Variants in FOCAD observed in about 807,000 individuals in gnomAD.
FOCAD encodes the protein focadhesin.
In FOCAD, 198 loss-of-function variants were observed where a neutral mutation model predicts 225.6. The ratio of observed to expected loss-of-function variants is 0.88; its 90% CI spans 0.78 to 0.99. FOCAD has a LOEUF of 0.99. Ranked by LOEUF, FOCAD falls within the 50% of genes least tolerant of loss-of-function variation. The pLI is 0.00. For missense variants in FOCAD, 2,713 were observed against 2,123.6 expected, an observed-to-expected ratio of 1.28 and a Z score of -5.46; for synonymous variants, 897 against 755.0, an observed-to-expected ratio of 1.19 and a Z score of -3.08.
intron 20 of FOCAD, among the ~76,000 whole-genome samples, chr9:20,883,247 T>C (rs1448242394): frequency 6.6e-6 from 1 of 152,048 alleles, no homozygotes; most frequent in East Asian, 1.9e-4. Flanking sequence ...TAACATACTT[T>C]CAAAATATAT....
Position 20,805,147 on chromosome 9 carries a change from A to C in FOCAD, c.1456-14649A>C, listed in dbSNP as rs544479525. ...GCACTTTAAGGTACATGAAGTGAAA[A>C]GTCTATCTGCTTATTTTGTTTATTT... On this transcript the variant is annotated intron_variant, in intron 11 of 43. Coordinates refer to ENST00000338382, the MANE Select transcript of FOCAD (RefSeq NM_001375567.1). Among the ~76,000 whole-genome samples, 10 of 152,292 alleles carry C rather than the reference A, an allele frequency of 6.6e-5. No individual in the cohort carries two copies. The East Asian group carries it at 1.7e-3, about 26-fold the overall frequency.
chr9:20,681,236 T>C (rs1822389900), upstream of FOCAD, among the ~76,000 whole-genome samples: 1 of 152,200 alleles, frequency 6.6e-6, no homozygotes, highest in African/African-American at 2.4e-5. Context: ...TAACCTATTA[T>C]CATTTCATAT....
Position 20,885,147 on chromosome 9 carries a change from A to G in FOCAD, c.2542A>G (p.Ser848Gly). Residue 848 changes from serine to glycine, a missense_variant, in exon 21 of 44, where the codon AGT (serine) becomes GGT (glycine). Coordinates refer to ENST00000338382, the MANE Select transcript of FOCAD (RefSeq NM_001375567.1). Reference sequence around the variant, plus strand: ...TTGCTATGATGTTTCCATGTATCAGAGTAAAGATGGAAAACCATTGAACAG... The same window carrying G: ...TTGCTATGATGTTTCCATGTATCAGGGTAAAGATGGAAAACCATTGAACAG... ...LFCYDVSMYQ[S>G]KDGKPLNRLM... The G allele has an allele frequency of 6.5e-7, 1 of 1,540,068 alleles. No homozygotes were observed.
At chr9:20,941,138 C>T (rs1051440941) in intron 28 of FOCAD, among the ~76,000 whole-genome samples, 1 of 152,106 alleles carries the variant, frequency 6.6e-6, no homozygotes, top group East Asian at 1.9e-4. Flanking sequence ...GGAGTGTACT[C>T]CCTCAAATGA....
intron 6 of FOCAD, among the ~76,000 whole-genome samples, chr9:20,762,081 T>C (rs1355617285): frequency 1.3e-5 from 2 of 152,228 alleles, no homozygotes; most frequent in Non-Finnish European, 2.9e-5. Flanking sequence ...TTTCTTTATA[T>C]GAACCTTACA....
intron 1 of FOCAD, among the ~76,000 whole-genome samples, chr9:20,689,233 G>T (rs774281019): frequency 6.6e-6 from 1 of 151,984 alleles, no homozygotes; most frequent in African/African-American, 2.4e-5. Context: ...GTAGGGTTTG[G>T]CTGTGGATAT....
rs1355385850 is a variant in FOCAD at position 20,951,188 on chromosome 9, A to G, written c.4051+90A>G. 5.2e-6 allele frequency: 5 copies of G among 970,806 alleles called. No individual in the cohort carries two copies. The South Asian group carries it at 5.5e-5, about 11-fold the overall frequency. 60.1% of individuals were successfully genotyped at this position (970,806 alleles called of 1,614,324 possible). A position where few individuals can be genotyped will look rare whatever the true frequency, so the allele number is the denominator to read the frequency against. On this transcript the variant is annotated intron_variant, in intron 34 of 43. Coordinates refer to ENST00000338382, the MANE Select transcript of FOCAD (RefSeq NM_001375567.1). ...TTTGTTAAGAGCATTAATCTTCACA[A>G]CAACCCTAAGTAATGGGTATTACCA...
chr9:20,748,054 G>A (rs540701264), intron 5 of FOCAD, among the ~76,000 whole-genome samples: 2 of 151,854 alleles, frequency 1.3e-5, no homozygotes, highest in South Asian at 4.2e-4. Flanking sequence ...TTTTGCTTTT[G>A]GGGGGTTGAT....
chr9:20,902,195 G>A (rs1832615414), intron 21 of FOCAD, among the ~76,000 whole-genome samples: 1 of 151,872 alleles, frequency 6.6e-6, no homozygotes, highest in Non-Finnish European at 1.5e-5. Context: ...CCTTAGGATT[G>A]TATGAGATTA....
At chr9:20,757,963 G>A (rs1488751027) in intron 5 of FOCAD, 127 bp from the exon 6 acceptor site, 3 of 477,788 alleles carry the variant, frequency 6.3e-6, no homozygotes, top group Non-Finnish European at 1.1e-5. Context: ...TGATCATTTT[G>A]TGACAATTAT....
chr9:20,936,722 G>A (rs1408579460), intron 28 of FOCAD, among the ~76,000 whole-genome samples: 2 of 152,106 alleles, frequency 1.3e-5, no homozygotes, highest in African/African-American at 4.8e-5. Flanking sequence ...ACATAGTGTT[G>A]GAAGTTCTGA....
chr9:20,832,525 A>G (rs367765088), intron 15 of FOCAD, among the ~76,000 whole-genome samples: 2 of 152,066 alleles, frequency 1.3e-5, no homozygotes, highest in African/African-American at 4.8e-5. Flanking sequence ...CCTTTCGAGT[A>G]TTTATCCTTT....
At chr9:20,779,498 A>G (rs1047491346) in intron 9 of FOCAD, among the ~76,000 whole-genome samples, 21 of 152,128 alleles carry the variant, frequency 1.4e-4, no homozygotes, top group Admixed American at 1.2e-3. Flanking sequence ...TGTAATCCCA[A>G]CGCTTTGGGA....
At chr9:20,890,732 G>T (rs752832879) in intron 21 of FOCAD, among the ~76,000 whole-genome samples, 1 of 152,094 alleles carries the variant, frequency 6.6e-6, no homozygotes, top group Non-Finnish European at 1.5e-5. Context: ...GAAATAGTTT[G>T]TATAGAATTG....
rs371299684 is a variant in FOCAD at position 20,948,894 on chromosome 9, T to C, written c.3842T>C (p.Val1281Ala). ...TGTCTGGCAGCTCTTCATGGCATGG[T>C]GGCCTTGGTAGGCTCTGAAGGGGAT... is the stretch of plus-strand genomic sequence containing the variant. ...MLCLAALHGMVALVGSEGDVM... is the reference protein window; with the variant it reads ...MLCLAALHGMAALVGSEGDVM... The change falls in exon 32 of 44, where the codon GTG (valine) becomes GCG (alanine). Residue 1281 changes from valine to alanine, a missense_variant. Transcript: ENST00000338382. 6.2e-7 allele frequency: 1 copy of C among 1,613,556 alleles called. No homozygotes were observed.
chr9:20,756,446 G>A (rs961774149), intron 5 of FOCAD, among the ~76,000 whole-genome samples: 15 of 152,030 alleles, frequency 9.9e-5, no homozygotes, highest in African/African-American at 2.9e-4. Flanking sequence ...CCCAACACCC[G>A]TGCAGTAGTT....
chr9:20,980,829 G>A (rs2132622907), intron 37 of FOCAD, among the ~76,000 whole-genome samples: 1 of 152,284 alleles, frequency 6.6e-6, no homozygotes, highest in African/African-American at 2.4e-5. Flanking sequence ...GTTGAAGTCT[G>A]TCATATAACA....
At chr9:20,937,920 G>A (rs1836166314) in intron 28 of FOCAD, among the ~76,000 whole-genome samples, 1 of 152,050 alleles carries the variant, frequency 6.6e-6, no homozygotes, top group Non-Finnish European at 1.5e-5. Context: ...GTGGGCAAAG[G>A]ATATGAACAG....
chr9:20,962,796 A>G (rs1302331729), intron 35 of FOCAD, among the ~76,000 whole-genome samples: 2 of 152,184 alleles, frequency 1.3e-5, no homozygotes, highest in Non-Finnish European at 2.9e-5. Flanking sequence ...CTTTTTAACA[A>G]GTACTGTTAG....
Sources: gnomAD v4.1 joint callset for allele counts (sites outside exome capture counted in the v4.1 genomes callset) on GRCh38, gnomAD v4.1.1 for gene constraint, MANE v1.5 for transcripts, NCBI Gene and HGNC (gene_info 2026-07-23, HGNC 2026-07-21) for gene names.